ARHGAP5: variants seen among roughly 807,000 people sequenced by gnomAD.
The protein encoded by ARHGAP5 is rho GTPase-activating protein 5.
In ARHGAP5, 23 loss-of-function variants were observed where a neutral mutation model predicts 116.6. The ratio of observed to expected loss-of-function variants is 0.20; its 90% CI spans 0.14 to 0.28. The LOEUF (loss-of-function observed/expected upper bound fraction) is 0.28. Ranked by LOEUF, ARHGAP5 falls within the 10% of genes least tolerant of loss-of-function variation. ARHGAP5 has a pLI of 1.00. For synonymous variants in ARHGAP5, 574 were observed against 602.0 expected (o/e 0.95, Z 0.68); for missense variants, 1,405 against 1,774.8 (o/e 0.79, Z 3.74).
intron 2 of ARHGAP5, among the ~76,000 whole-genome samples, chr14:32,111,905 G>A (rs975194425): frequency 5.1e-5 from 7 of 138,218 alleles, no homozygotes; most frequent in East Asian, 2.2e-4. Context: ...GCAGTGGCAC[G>A]ATCTCAGCTC....
chr14:32,113,181 A>G (rs1044554070), intron 2 of ARHGAP5, among the ~76,000 whole-genome samples: 1 of 152,220 alleles, frequency 6.6e-6, no homozygotes, highest in African/African-American at 2.4e-5. Flanking sequence ...AGAGTTTTTC[A>G]AAAGTCACAT....
Position 32,154,973 on chromosome 14 carries a change from G to A in ARHGAP5, c.*25G>A. 1 of 1,589,286 alleles carries A rather than the reference G, an allele frequency of 6.3e-7. No homozygotes were observed. The highest frequency in any genetic ancestry group is 8.6e-7 in the Non-Finnish European group (1 of 1,164,510). ...AGTAGGAAGTGATTGCAAACAGGCTGGATTTGGACAAAAAGCAAATCTAGA... is the reference window on the plus strand; with the variant it reads ...AGTAGGAAGTGATTGCAAACAGGCTAGATTTGGACAAAAAGCAAATCTAGA... On this transcript the variant is annotated 3_prime_UTR_variant, in exon 7 of 7. Transcript: ENST00000345122.
intron 1 of ARHGAP5, chr14:32,078,195 T>C (rs1243615772): frequency 1.3e-5 from 2 of 152,266 alleles, no homozygotes; most frequent in East Asian, 1.9e-4. Context: ...CGCGCACTTA[T>C]CCACACAGAA....
In ARHGAP5 at chr14:32,091,568, A is replaced by G. The variant is rs371461440; in HGVS notation, c.899A>G (p.His300Arg). Residue 300 changes from histidine to arginine, a missense_variant, in exon 2 of 7, where the codon CAT becomes CGT. Around this residue, in one of 6 missense-constraint regions of ARHGAP5, gnomAD observed 944 missense variants for 1,095.3 expected, o/e 0.86. Transcript: ENST00000345122. ...WKTVSNKLKN[H>R]PDYEEYINLE... Reference sequence around the variant, plus strand: ...ACTGTTAGTAATAAATTAAAAAATCATCCTGATTATGAAGAATACATCAAC... The same window carrying G: ...ACTGTTAGTAATAAATTAAAAAATCGTCCTGATTATGAAGAATACATCAAC... 1.7e-5 allele frequency: 27 copies of G among 1,612,232 alleles called. No individual in the cohort carries two copies. The South Asian group carries it at 2.6e-4, about 16-fold the overall frequency.
intron 3 of ARHGAP5, among the ~76,000 whole-genome samples, chr14:32,130,154 A>G (rs1370266057): frequency 1.3e-5 from 2 of 150,502 alleles, no homozygotes; most frequent in African/African-American, 4.9e-5. Flanking sequence ...TGATCATCTT[A>G]TATTTCCAAT....
intron 1 of ARHGAP5, among the ~76,000 whole-genome samples, chr14:32,081,424 G>A (rs1025399031): frequency 6.6e-6 from 1 of 151,794 alleles, no homozygotes; most frequent in Non-Finnish European, 1.5e-5. Flanking sequence ...ATATAAAAAT[G>A]TGTAGTCCTA....
rs1878376883 is a variant in ARHGAP5, at chr14:32,093,646, C to T, written c.2977C>T (p.Pro993Ser). Residue 993 changes from proline (P) to serine (S), a missense_variant, in exon 2 of 7, where the codon CCA (proline) becomes TCA (serine). Transcript: ENST00000345122. ...CACAGAAGCACCACCTCCTTATAGT[C>T]CAATTGGGGATGATGTACAGTTGCT... ...DDTEAPPPYS[P>S]IGDDVQLLPT... The T allele has an allele frequency of 1.2e-6, 2 of 1,613,806 alleles. No homozygotes were observed. Among genetic ancestry groups the T allele is most frequent in the Non-Finnish European group, 1.7e-6 (2 of 1,179,860 alleles).
In ARHGAP5 at chr14:32,146,268, T is replaced by C. The variant is rs1345510986; in HGVS notation, c.3871T>C (p.Cys1291Arg). 3 of 1,609,706 alleles carry C rather than the reference T, an allele frequency of 1.9e-6. No individual in the cohort carries two copies. The highest frequency in any genetic ancestry group is 2.7e-5 in the African/African-American group (2 of 74,850). The change falls in exon 4 of 7, where the codon TGT becomes CGT. Residue 1291 changes from cysteine to arginine, a missense_variant. Transcript: ENST00000345122. The part of the protein sequence containing the change: ...CVEFIEDTGL[C>R]TEGLYRVSGN... ...ATATTTCTTTATTCTCTTAGGGTTA[T>C]GTACCGAAGGACTCTACCGTGTCAG...
chr14:32,109,643 C>T (rs1879189166), intron 2 of ARHGAP5, among the ~76,000 whole-genome samples: 2 of 152,006 alleles, frequency 1.3e-5, no homozygotes, highest in African/African-American at 4.8e-5. Context: ...ATCATAAATT[C>T]TCCAGTGTAA....
chr14:32,081,397 T>A (rs1468973411), intron 1 of ARHGAP5, among the ~76,000 whole-genome samples: 1 of 151,856 alleles, frequency 6.6e-6, no homozygotes, highest in East Asian at 1.9e-4. Context: ...GAGGACAGAT[T>A]AGCAGATGGG....
chr14:32,121,043 G>T (rs370898033), intron 3 of ARHGAP5, among the ~76,000 whole-genome samples: 173 of 143,362 alleles, frequency 1.2e-3, no homozygotes, highest in African/African-American at 4.3e-3. Flanking sequence ...TGGAGACAGG[G>T]TTCTCTCTCT....
At chr14:32,081,961 G>A (rs2041780258) in intron 1 of ARHGAP5, among the ~76,000 whole-genome samples, 1 of 152,136 alleles carries the variant, frequency 6.6e-6, no homozygotes, top group Non-Finnish European at 1.5e-5. Context: ...CGGAACCGGG[G>A]GCATGGTTTT....
At chr14:32,079,837 G>T (rs2041754365) in intron 1 of ARHGAP5, among the ~76,000 whole-genome samples, 1 of 152,022 alleles carries the variant, frequency 6.6e-6, no homozygotes, top group Admixed American at 6.5e-5. Context: ...TATTTATTTG[G>T]GTTGTATGGT....
At chr14:32,100,040 A>G (rs1878719318) in intron 2 of ARHGAP5, among the ~76,000 whole-genome samples, 1 of 152,244 alleles carries the variant, frequency 6.6e-6, no homozygotes, top group Non-Finnish European at 1.5e-5. Context: ...TTATATACAC[A>G]AATATTTCTA....
intron 2 of ARHGAP5, among the ~76,000 whole-genome samples, chr14:32,104,106 C>T (rs901197161): frequency 7.2e-5 from 11 of 151,992 alleles, no homozygotes; most frequent in Non-Finnish European, 4.4e-5. Flanking sequence ...TTTCTAAAGG[C>T]CTGTGGATCC....
At chr14:32,107,426 A>G (rs574832603) in intron 2 of ARHGAP5, among the ~76,000 whole-genome samples, 4 of 151,244 alleles carry the variant, frequency 2.6e-5, no homozygotes, top group Non-Finnish European at 5.9e-5. Context: ...TCGTATATTA[A>G]CAGAAATCTT....
rs1419616593 is a variant in ARHGAP5 at position 32,155,866 on chromosome 14, T to G, written c.*918T>G. 6.6e-6 allele frequency: 1 copy of G among 152,582 alleles called. No individual in the cohort carries two copies. Among genetic ancestry groups the G allele is most frequent in the African/African-American group, 2.4e-5 (1 of 41,454 alleles). 9.5% of individuals were successfully genotyped at this position (152,582 alleles called of 1,614,324 possible). On this transcript the variant is annotated 3_prime_UTR_variant, in exon 7 of 7. Transcript: ENST00000345122. ...TTATATAACTTTTCATACATAAACATGAAATTTGTTGTAGAAAATTCTTTA... is the reference window on the plus strand; with the variant it reads ...TTATATAACTTTTCATACATAAACAGGAAATTTGTTGTAGAAAATTCTTTA...
intron 3 of ARHGAP5, among the ~76,000 whole-genome samples, chr14:32,133,410 T>G (rs1449055752): frequency 2.0e-5 from 3 of 152,196 alleles, no homozygotes; most frequent in Non-Finnish European, 4.4e-5. Context: ...AAGAATGCTT[T>G]TGATTTTTGC....
chr14:32,157,634 C>A lies in ARHGAP5; in HGVS notation c.*2686C>A, dbSNP rs931159529. On this transcript the variant is annotated 3_prime_UTR_variant, in exon 7 of 7. Coordinates refer to ENST00000345122, the MANE Select transcript of ARHGAP5 (RefSeq NM_001030055.2). ...TTCAACAGACACTTATTAGGATATACAACTAATTTAAGAATAAAATTCCAG... is the reference window on the plus strand; with the variant it reads ...TTCAACAGACACTTATTAGGATATAAAACTAATTTAAGAATAAAATTCCAG... 3 of 151,976 alleles carry A rather than the reference C, an allele frequency of 2.0e-5. No homozygotes were observed. The highest frequency in any genetic ancestry group is 7.2e-5 in the African/African-American group (3 of 41,414). The allele number at this position is 151,976 out of a possible 1,614,324, so 9.4% of individuals were successfully genotyped here.
Sources: gnomAD v4.1 joint callset for allele counts (sites outside exome capture counted in the v4.1 genomes callset) on GRCh38, gnomAD v4.1.1 for gene constraint, gnomAD v4.1.1 regional missense constraint, MANE v1.5 for transcripts, NCBI Gene and HGNC (gene_info 2026-07-23, HGNC 2026-07-21) for gene names.